DROSHA: variants seen among roughly 807,000 people sequenced by gnomAD.
DROSHA encodes ribonuclease 3.
A neutral mutation model predicts 181.9 loss-of-function variants in DROSHA; 56 were observed. That is an observed-to-expected ratio of 0.31 (90% CI 0.25 to 0.38). DROSHA has a LOEUF of 0.38. Ranked by LOEUF, DROSHA falls within the 10% of genes least tolerant of loss-of-function variation. The pLI, the probability that DROSHA is intolerant of heterozygous loss-of-function variation, is 1.00. For synonymous variants in DROSHA, 524 were observed against 591.2 expected (o/e 0.89, Z 1.65); for missense variants, 1,218 against 1,743.5 (o/e 0.70, Z 5.37).
At position 31,424,692 on chromosome 5, in the gene DROSHA, G is replaced by C. The variant is rs139423072; in HGVS notation, c.3217-221C>G. Among the ~76,000 whole-genome samples the C allele has an allele frequency of 9.2e-4, 140 of 152,244 alleles. 1 individual carries two copies. The highest frequency in any genetic ancestry group is 3.1e-3 in the African/African-American group (129 of 41,542). On this transcript the variant is annotated intron_variant, in intron 27 of 35. Transcript: ENST00000344624. ...TAGCCTATTAAGCTACGGGGGAAAA[G>C]AGCCTCCTCTAGTCCCAGAAGTCAG...
At chr5:31,491,005 C>A (rs986695168) in intron 13 of DROSHA, among the ~76,000 whole-genome samples, 1 of 152,010 alleles carries the variant, frequency 6.6e-6, no homozygotes, top group Non-Finnish European at 1.5e-5. Context: ...GCCTCTCAGG[C>A]CAAACCTTGT....
At chr5:31,436,235 A>T (rs140841020) in intron 24 of DROSHA, among the ~76,000 whole-genome samples, 1 of 152,296 alleles carries the variant, frequency 6.6e-6, no homozygotes, top group East Asian at 1.9e-4. Context: ...CCCTGGAGAG[A>T]GGAGTCCCTT....
intron 19 of DROSHA, 135 bp downstream of exon 19, chr5:31,466,047 G>A (rs1227902962): frequency 3.7e-6 from 3 of 818,870 alleles, no homozygotes; most frequent in Non-Finnish European, 5.7e-6. Context: ...ATAATGGGGG[G>A]AGGAGGGTAA....
At position 31,446,329 on chromosome 5, in the gene DROSHA, C is replaced by G. The variant is rs1055166300; in HGVS notation, c.2882+2218G>C. 2.6e-5 allele frequency among the ~76,000 whole-genome samples: 4 copies of G among 151,608 alleles called. No individual in the cohort carries two copies. The East Asian group carries it at 5.8e-4, about 22-fold the overall frequency. On this transcript the variant is annotated intron_variant, in intron 23 of 35. Coordinates refer to ENST00000344624, the MANE Select transcript of DROSHA (RefSeq NM_001382508.1). ...GGGTGTGGTGGCGGGCGCCTGTAGT[C>G]CCAGCTACTCGGTAGGCTGAGGCGG...
intron 9 of DROSHA, among the ~76,000 whole-genome samples, chr5:31,510,068 G>GAAAAT (rs1738495986): frequency 9.8e-6 from 1 of 102,006 alleles, no homozygotes; most frequent in East Asian, 2.8e-4. Context: ...AAAAAAAACA[G>GAAAAT]ACCTAGAAGT....
At chr5:31,424,397 G>GCTCA in intron 28 of DROSHA, 30 bp downstream of exon 28, 1 of 1,589,324 alleles carries the variant, frequency 6.3e-7, no homozygotes, top group South Asian at 1.2e-5. Context: ...GAGTTATAAA[G>GCTCA]CTCACTGCAG....
intron 30 of DROSHA, among the ~76,000 whole-genome samples, chr5:31,417,186 G>A (rs554766399): frequency 7.2e-5 from 11 of 152,282 alleles, no homozygotes; most frequent in South Asian, 4.1e-4. Context: ...CGATTTGGCC[G>A]TATAGATTAC....
intron 25 of DROSHA, among the ~76,000 whole-genome samples, chr5:31,434,546 T>G (rs1301622735): frequency 6.6e-6 from 1 of 152,266 alleles, no homozygotes; most frequent in Non-Finnish European, 1.5e-5. Context: ...CCTACCACTG[T>G]AGCTACAATG....
intron 19 of DROSHA, 74 bp downstream of exon 19, chr5:31,466,108 T>C (rs1314441028): frequency 1.2e-5 from 17 of 1,442,922 alleles, no homozygotes; most frequent in Admixed American, 1.7e-5. Context: ...AGAAGTATAG[T>C]GTGATACAAC....
intron 10 of DROSHA, among the ~76,000 whole-genome samples, 167 bp from the exon 11 acceptor site, chr5:31,504,802 A>G (rs896172461): frequency 3.5e-4 from 53 of 152,186 alleles, no homozygotes; most frequent in Non-Finnish European, 6.9e-4. Flanking sequence ...AAAGCTGCAA[A>G]CTGTCTATAT....
chr5:31,408,164 A>G (rs1452286689), intron 33 of DROSHA, among the ~76,000 whole-genome samples: 5 of 152,172 alleles, frequency 3.3e-5, no homozygotes, highest in African/African-American at 9.7e-5. Flanking sequence ...CTGCCAGTCT[A>G]ATGTTTTTCC....
chr5:31,471,481 T>C (rs1263850708), intron 17 of DROSHA, among the ~76,000 whole-genome samples: 2 of 152,072 alleles, frequency 1.3e-5, no homozygotes, highest in Non-Finnish European at 2.9e-5. Context: ...CATTTTTTAC[T>C]TCTAAAATTG....
chr5:31,531,077 G>A lies in DROSHA; in HGVS notation c.-173-153C>T, dbSNP rs561069800. ...TATTTAATGAGCCCATAAATGGGAA[G>A]CACTGTCCCAGGCCCTGTAGACTCA... On this transcript the variant is annotated intron_variant, in intron 2 of 35. Transcript: ENST00000344624. Among the ~76,000 whole-genome samples, 13 of 152,330 alleles carry A rather than the reference G, an allele frequency of 8.5e-5. No homozygotes were observed. The South Asian group carries it at 2.7e-3, about 32-fold the overall frequency.
intron 20 of DROSHA, among the ~76,000 whole-genome samples, chr5:31,463,448 G>A (rs1271175172): frequency 6.6e-6 from 1 of 152,070 alleles, no homozygotes; most frequent in East Asian, 1.9e-4. Context: ...TGCAACACAT[G>A]CTACCATCGA....
At chr5:31,530,630 CAAAA>C (rs34124311) in intron 3 of DROSHA, among the ~76,000 whole-genome samples, 164 bp downstream of exon 3, 3 of 112,690 alleles carry the variant, frequency 2.7e-5, no homozygotes, top group Non-Finnish European at 3.5e-5. Context: ...AACTCTAGCT[CAAAA>C]AAAAAAAAAA....
At chr5:31,489,723 C>T (rs1338741083) in intron 13 of DROSHA, among the ~76,000 whole-genome samples, 2 of 152,204 alleles carry the variant, frequency 1.3e-5, no homozygotes, top group Non-Finnish European at 2.9e-5. Flanking sequence ...TCTAACTCTA[C>T]TACTTCCACA....
At chr5:31,472,277 C>A in intron 16 of DROSHA, 45 bp from the exon 17 acceptor site, 1 of 1,528,812 alleles carries the variant, frequency 6.5e-7, no homozygotes, top group Non-Finnish European at 8.8e-7. Context: ...AATAAGGCTA[C>A]TCAACTTACA....
At chr5:31,429,917 C>A (rs1335895118) in intron 26 of DROSHA, among the ~76,000 whole-genome samples, 1 of 151,664 alleles carries the variant, frequency 6.6e-6, no homozygotes, top group African/African-American at 2.4e-5. Context: ...CGTTTCAGAT[C>A]AAATGTATAT....
rs1370891215 is a variant in DROSHA, at chr5:31,514,540, G to A, written c.1290+448C>T. 2.0e-5 allele frequency among the ~76,000 whole-genome samples: 3 copies of A among 152,224 alleles called. No homozygotes were observed. The highest frequency in any genetic ancestry group is 7.2e-5 in the African/African-American group (3 of 41,530). ...GTGCCCCGTAGTTCCAGCTACTCAG[G>A]AGGCTGAAGTGGGAGAATCACTTGA... On this transcript the variant is annotated intron_variant, in intron 8 of 35. Coordinates refer to ENST00000344624, the MANE Select transcript of DROSHA (RefSeq NM_001382508.1). The surrounding 1 kb of genome is among the most constrained non-coding windows in gnomAD (Gnocchi z 4.4).
Sources: allele counts gnomAD v4.1 joint callset (sites outside exome capture counted in the v4.1 genomes callset), GRCh38; gene constraint gnomAD v4.1.1; non-coding constraint Gnocchi (gnomAD v3.1); transcripts MANE v1.5; gene names NCBI Gene and HGNC (gene_info 2026-07-23, HGNC 2026-07-21).